Variants in PNLIPRP3 observed in about 807,000 individuals in gnomAD.
PNLIPRP3 encodes the protein pancreatic lipase related protein 3.
Under a neutral mutation model 52.8 loss-of-function variants are expected in PNLIPRP3, and 58 were observed. That is an observed-to-expected ratio of 1.10 (90% CI 0.89 to 1.37). The LOEUF is 1.37. PNLIPRP3 is among the 40% of genes most tolerant of loss of function. The pLI, the probability that PNLIPRP3 is intolerant of heterozygous loss-of-function variation, is 0.00. For missense variants in PNLIPRP3, 593 were observed against 561.6 expected, an observed-to-expected ratio of 1.06 and a Z score of -0.57; for synonymous variants, 192 against 185.0, an observed-to-expected ratio of 1.04 and a Z score of -0.31.
intron 5 of PNLIPRP3, among the ~76,000 whole-genome samples, chr10:116,458,448 G>C (rs1338063973): frequency 1.5e-5 from 1 of 65,720 alleles, no homozygotes; most frequent in African/African-American, 6.2e-5. Context: ...TGGAAAGACT[G>C]TCTTTTTTTT....
chr10:116,473,252 T>C (rs1846402910), intron 10 of PNLIPRP3, among the ~76,000 whole-genome samples: 1 of 152,244 alleles, frequency 6.6e-6, no homozygotes. Context: ...TAAATTTGTA[T>C]GCTGGTTTAG....
At position 116,436,858 on chromosome 10, in the gene PNLIPRP3, C is replaced by A; in HGVS notation, c.197C>A (p.Ala66Asp). 6.3e-7 allele frequency: 1 copy of A among 1,585,326 alleles called. No individual in the cohort carries two copies. Among genetic ancestry groups the A allele is most frequent in the Non-Finnish European group, 8.6e-7 (1 of 1,163,244 alleles). Reference protein sequence around the residue: ...FLLYTIHNPNAYQEISAVNSS... With the variant: ...FLLYTIHNPNDYQEISAVNSS... ...CTCTACACTATACACAATCCCAATG[C>A]CTATCAGGTAAGCTAACTTGCAGCC... The change falls in exon 2 of 12, where the codon GCC becomes GAC. Residue 66 changes from alanine to aspartate, a missense_variant. Physicochemically the swap from Ala to Asp is moderately radical, Grantham distance 126. Transcript: ENST00000369230.
At chr10:116,476,614 A>C in intron 10 of PNLIPRP3, 38 bp from the exon 11 acceptor site, 2 of 1,490,514 alleles carry the variant, frequency 1.3e-6, no homozygotes, top group Middle Eastern at 3.6e-4. Flanking sequence ...TGCTGTGAAT[A>C]CCCAGTGCAA....
chr10:116,454,803 G>T (rs1846087731), intron 4 of PNLIPRP3, among the ~76,000 whole-genome samples: 1 of 152,202 alleles, frequency 6.6e-6, no homozygotes, highest in South Asian at 2.1e-4. Flanking sequence ...GACACAGGTT[G>T]ATTCCATATT....
Position 116,430,934 on chromosome 10 carries a change from T to C in PNLIPRP3, c.49+2873T>C, listed in dbSNP as rs137905678. 7.0e-3 allele frequency among the ~76,000 whole-genome samples: 1,060 copies of C among 152,306 alleles called. 19 individuals are homozygous for C. The highest frequency in any genetic ancestry group is 7.3e-3 in the Non-Finnish European group (495 of 68,032). ...TATATGCAAGGTAGCTCCACTTAGG[T>C]ATCTAATTCATATAGAATCTACATA... On this transcript the variant is annotated intron_variant, in intron 1 of 11. Transcript: ENST00000369230.
At chr10:116,437,021 G>C (rs1845784290) in intron 2 of PNLIPRP3, among the ~76,000 whole-genome samples, 156 bp downstream of exon 2, 1 of 152,042 alleles carries the variant, frequency 6.6e-6, no homozygotes, top group African/African-American at 2.4e-5. Context: ...TTTTTTCTAT[G>C]TTATCTGTTC....
intron 1 of PNLIPRP3, among the ~76,000 whole-genome samples, chr10:116,430,299 A>T (rs1020877275): frequency 3.3e-5 from 5 of 152,122 alleles, no homozygotes; most frequent in Non-Finnish European, 7.4e-5. Context: ...GGGCATGAAG[A>T]TGTTGGAGGT....
chr10:116,434,139 A>T (rs1564691795), intron 1 of PNLIPRP3, among the ~76,000 whole-genome samples: 2 of 152,212 alleles, frequency 1.3e-5, no homozygotes, highest in Non-Finnish European at 2.9e-5. Flanking sequence ...CAGACTGGGC[A>T]TCATTTGGTA....
chr10:116,433,578 T>C (rs537950127), intron 1 of PNLIPRP3, among the ~76,000 whole-genome samples: 3 of 152,186 alleles, frequency 2.0e-5, no homozygotes, highest in South Asian at 4.1e-4. Flanking sequence ...TTCCATAGTA[T>C]GTAGATTGTA....
chr10:116,442,666 TC>T (rs1845875185), intron 2 of PNLIPRP3, among the ~76,000 whole-genome samples: 2 of 152,062 alleles, frequency 1.3e-5, no homozygotes, highest in Admixed American at 1.3e-4. Context: ...GAGTTCAAGA[TC>T]ACCCTAGGCA....
At chr10:116,450,151 G>C (rs1438627296) in intron 4 of PNLIPRP3, among the ~76,000 whole-genome samples, 1 of 152,102 alleles carries the variant, frequency 6.6e-6, no homozygotes, top group Non-Finnish European at 1.5e-5. Flanking sequence ...AAAGAAAAAA[G>C]CTCTCCATTC....
chr10:116,471,954 G>A (rs1846380610), intron 10 of PNLIPRP3, 75 bp downstream of exon 10: 4 of 860,128 alleles, frequency 4.7e-6, no homozygotes, highest in South Asian at 3.5e-5. Flanking sequence ...GGCTCAGTAA[G>A]CTGTTTAGTC....
intron 6 of PNLIPRP3, 21 bp from the exon 7 acceptor site, chr10:116,461,147 C>A: frequency 6.2e-7 from 1 of 1,614,112 alleles, no homozygotes; most frequent in East Asian, 2.2e-5. Flanking sequence ...GAGGCATTTA[C>A]CCTGTTTTTA....
At chr10:116,434,210 A>T (rs1845746789) in intron 1 of PNLIPRP3, among the ~76,000 whole-genome samples, 1 of 152,198 alleles carries the variant, frequency 6.6e-6, no homozygotes, top group Non-Finnish European at 1.5e-5. Flanking sequence ...ATTCATATTT[A>T]TTACTGAAAA....
chr10:116,431,857 T>G (rs867161942), intron 1 of PNLIPRP3, among the ~76,000 whole-genome samples: 2 of 152,108 alleles, frequency 1.3e-5, no homozygotes, highest in Admixed American at 6.5e-5. Context: ...CAGAGTCTTG[T>G]GCTTTCCTTC....
At chr10:116,433,685 A>G (rs1261396833) in intron 1 of PNLIPRP3, among the ~76,000 whole-genome samples, 1 of 151,460 alleles carries the variant, frequency 6.6e-6, no homozygotes, top group Admixed American at 6.6e-5. Context: ...AAGTCTAGAC[A>G]CCTTTAAGAG....
At chr10:116,459,559 T>C (rs1846161371) in intron 5 of PNLIPRP3, among the ~76,000 whole-genome samples, 1 of 152,190 alleles carries the variant, frequency 6.6e-6, no homozygotes, top group African/African-American at 2.4e-5. Flanking sequence ...ATGGCTCAGC[T>C]GACATCTGGC....
At chr10:116,438,455 ATATGGTCTGATTTGTAGCTCTC>A (rs1845809054) in intron 2 of PNLIPRP3, among the ~76,000 whole-genome samples, 1 of 152,180 alleles carries the variant, frequency 6.6e-6, no homozygotes, top group Admixed American at 6.5e-5. Context: ...TACCGTACAA[ATATGGTCTGATTTGTAGCTCTC>A]TACTCACCAG....
intron 5 of PNLIPRP3, among the ~76,000 whole-genome samples, chr10:116,460,320 T>C (rs968172851): frequency 6.6e-6 from 1 of 152,218 alleles, no homozygotes; most frequent in African/African-American, 2.4e-5. Context: ...AATGATTGAA[T>C]ATGTGAAAGA....
Sources: gnomAD v4.1 joint callset for allele counts (sites outside exome capture counted in the v4.1 genomes callset) on GRCh38, gnomAD v4.1.1 for gene constraint, MANE v1.5 for transcripts, NCBI Gene and HGNC (gene_info 2026-07-23, HGNC 2026-07-21) for gene names.